HSPG2: variants seen among roughly 807,000 people sequenced by gnomAD.
HSPG2 encodes the protein heparan sulfate proteoglycan 2.
In HSPG2, 278 loss-of-function variants were observed where a neutral mutation model predicts 526.6. The ratio of observed to expected loss-of-function variants is 0.53; its 90% CI spans 0.48 to 0.58. The LOEUF is 0.58. Among genes scored for constraint, HSPG2 ranks in the 20% least tolerant of loss-of-function variants. HSPG2 has a pLI of 0.00. For missense variants in HSPG2, 5,354 were observed against 6,099.5 expected, an observed-to-expected ratio of 0.88 and a Z score of 4.07; for synonymous variants, 2,465 against 2,555.4, an observed-to-expected ratio of 0.96 and a Z score of 1.07.
intron 1 of HSPG2, among the ~76,000 whole-genome samples, chr1:21,918,871 T>C (rs966749198): frequency 2.0e-5 from 3 of 152,180 alleles, no homozygotes; most frequent in African/African-American, 7.2e-5. Flanking sequence ...CAGTCCCAGA[T>C]GTACCAGTGA....
At chr1:21,875,527 C>T in intron 25 of HSPG2, 102 bp downstream of exon 25, 1 of 895,622 alleles carries the variant, frequency 1.1e-6, no homozygotes, top group South Asian at 1.3e-5. Flanking sequence ...AAGTGAGGCA[C>T]AAAAGGGTCA....
Position 21,878,099 on chromosome 1 carries a change from A to G in HSPG2, c.2685+87T>C, listed in dbSNP as rs577195729. On this transcript the variant is annotated intron_variant, in intron 21 of 96. Coordinates refer to ENST00000374695, the MANE Select transcript of HSPG2 (RefSeq NM_005529.7). ...GTTACCACCCACTGGCCAAGGATCT[A>G]TGGAGAGGACGGAGCTTCCTTCTTC... is the stretch of plus-strand genomic sequence containing the variant. 8.1e-6 allele frequency: 10 copies of G among 1,241,256 alleles called. No individual in the cohort carries two copies. In the East Asian group the frequency reaches 9.8e-5, roughly 12 times the overall value. The allele number at this position is 1,241,256 out of a possible 1,614,324, so 76.9% of individuals were successfully genotyped here.
intron 1 of HSPG2, among the ~76,000 whole-genome samples, chr1:21,922,343 A>AACGGTGCGGAATTGATGG (rs1553179934): frequency 6.6e-6 from 1 of 152,170 alleles, no homozygotes; most frequent in Non-Finnish European, 1.5e-5. Context: ...TGCAGAATGA[A>AACGGTGCGGAATTGATGG]ACGGTGCGGA....
At chr1:21,922,671 A>G (rs913802622) in intron 1 of HSPG2, among the ~76,000 whole-genome samples, 11 of 152,166 alleles carry the variant, frequency 7.2e-5, no homozygotes, top group Non-Finnish European at 1.5e-4. Context: ...CCTGAAGCCA[A>G]CGTAAGGTGG....
At position 21,873,046 on chromosome 1, in the gene HSPG2, T is replaced by TG. The variant is rs1640780095; in HGVS notation, c.3838dup (p.Gln1280ProfsTer9). 6.2e-7 allele frequency: 1 copy of TG among 1,605,338 alleles called. No individual in the cohort carries two copies. The highest frequency in any genetic ancestry group is 8.5e-7 in the Non-Finnish European group (1 of 1,179,966). On this transcript the variant is annotated frameshift_variant, in exon 31 of 97. Transcript: ENST00000374695. LOFTEE classifies it high-confidence loss of function. ...ATCACACTGGCTGCTGACGCTGCCT[T>TG]GGGGGTCACAGTTGCAGCCTATGGG...
In HSPG2 at chr1:21,890,219, G is replaced by C. The variant is rs944997562; in HGVS notation, c.414-78C>G. The C allele has an allele frequency of 2.6e-6, 4 of 1,554,106 alleles. No individual in the cohort carries two copies. The highest frequency in any genetic ancestry group is 2.7e-5 in the African/African-American group (2 of 73,808). On this transcript the variant is annotated intron_variant, in intron 5 of 96. Transcript: ENST00000374695. This position sits in a 1 kb window ranked among gnomAD's most constrained non-coding sequence, Gnocchi z 4.1. ...AGCTCCTCCATGAGGCTCCCGCCCC[G>C]ACGCTCAGGCCCTGTTCCGGGACAG...
rs1638262027 is a variant in HSPG2, at chr1:21,844,415, C to T, written c.8465-116G>A. The T allele has an allele frequency of 1.3e-5, 16 of 1,189,786 alleles. No homozygotes were observed. The East Asian group carries it at 3.7e-4, about 27-fold the overall frequency. 73.7% of individuals were successfully genotyped at this position (1,189,786 alleles called of 1,614,324 possible). On this transcript the variant is annotated intron_variant, in intron 64 of 96. Coordinates refer to ENST00000374695, the MANE Select transcript of HSPG2 (RefSeq NM_005529.7). Reference sequence around the variant, plus strand: ...ATTTGGGACATGGCTTCTTTCCCTTCCCGTTCCATTGAGGCCTGGAGCAGC... The same window carrying T: ...ATTTGGGACATGGCTTCTTTCCCTTTCCGTTCCATTGAGGCCTGGAGCAGC...
chr1:21,824,588 C>G lies in HSPG2; in HGVS notation c.12693G>C (p.Glu4231Asp). 6.2e-7 allele frequency: 1 copy of G among 1,614,036 alleles called. No individual in the cohort carries two copies. The highest frequency in any genetic ancestry group is 8.5e-7 in the Non-Finnish European group (1 of 1,180,032). The change falls in exon 93 of 97, where the codon GAG becomes GAC. Residue 4231 changes from glutamate to aspartate, a missense_variant. Coordinates refer to ENST00000374695, the MANE Select transcript of HSPG2 (RefSeq NM_005529.7). This position sits in a 1 kb window ranked among gnomAD's most constrained non-coding sequence, Gnocchi z 5.9. The part of the protein sequence containing the change: ...RSLPEVPETI[E>D]LEVRTSTASG... ...TGGCTGTGCTGGTCCGAACCTCCAG[C>G]TCGATGGTCTCGGGCACCTCGGGCA...
intron 9 of HSPG2, among the ~76,000 whole-genome samples, 160 bp from the exon 10 acceptor site, chr1:21,885,611 G>C (rs568814042): frequency 1.6e-4 from 24 of 152,200 alleles, no homozygotes; most frequent in African/African-American, 5.8e-4. Flanking sequence ...AGCATGATGC[G>C]GCCACCAGCT....
rs754735678 is a variant in HSPG2, at chr1:21,884,741, C to T, written c.1507+26G>A. On this transcript the variant is annotated intron_variant, in intron 12 of 96. Coordinates refer to ENST00000374695, the MANE Select transcript of HSPG2 (RefSeq NM_005529.7). ...GGCAGCCCGGCTCTGCCCCCACACC[C>T]GGTGACACCTGCCCTCCGGCAGTAC... 1.5e-5 allele frequency: 24 copies of T among 1,612,350 alleles called. 1 individual carries two copies. The highest frequency in any genetic ancestry group is 1.0e-4 in the Admixed American group (6 of 59,890).
Position 21,824,200 on chromosome 1 carries a change from G to C in HSPG2, c.12820C>G (p.Gln4274Glu). Reference sequence around the variant, plus strand: ...AGGCGGGCCTCCCCACTACCCAGCTGGTACCTGCAGTCATCCAGGCCCAAG... The same window carrying C: ...AGGCGGGCCTCCCCACTACCCAGCTCGTACCTGCAGTCATCCAGGCCCAAG... ...LQDGHLVFRY[Q>E]LGSGEARLVS... The change falls in exon 95 of 97, where the codon CAG becomes GAG. Residue 4274 changes from glutamine (Q) to glutamate (E), a missense_variant. Transcript: ENST00000374695. This position sits in a 1 kb window ranked among gnomAD's most constrained non-coding sequence, Gnocchi z 5.9. The C allele has an allele frequency of 6.2e-7, 1 of 1,613,808 alleles. No homozygotes were observed. Among genetic ancestry groups the C allele is most frequent in the Non-Finnish European group, 8.5e-7 (1 of 1,179,998 alleles).
intron 1 of HSPG2, among the ~76,000 whole-genome samples, chr1:21,925,323 A>T (rs1370450583): frequency 6.6e-6 from 1 of 152,196 alleles, no homozygotes; most frequent in Admixed American, 6.5e-5. Flanking sequence ...AGGGCTGTTG[A>T]AACAACACAA....
intron 1 of HSPG2, 27 bp downstream of exon 1, chr1:21,937,128 C>G: frequency 9.7e-6 from 3 of 308,608 alleles, no homozygotes; most frequent in Admixed American, 6.0e-5. Context: ...CGCCCCCGCC[C>G]CCCGCCCCTC....
rs1640818021 is a variant in HSPG2 at position 21,873,565 on chromosome 1, A to G, written c.3744-141T>C. 7 of 903,770 alleles carry G rather than the reference A, an allele frequency of 7.7e-6. No individual in the cohort carries two copies. In the South Asian group the frequency reaches 9.6e-5, roughly 12 times the overall value. 56.0% of individuals were successfully genotyped at this position (903,770 alleles called of 1,614,324 possible). A position where few individuals can be genotyped will look rare whatever the true frequency, so the allele number is the denominator to read the frequency against. On this transcript the variant is annotated intron_variant, in intron 29 of 96. Transcript: ENST00000374695. ...CCTGACTCGCCCATGTTACGGGGAA[A>G]CTGGGCAGAGAAGAGCAGGGACGTG...
In HSPG2 at chr1:21,864,054, G is replaced by T; in HGVS notation, c.4740+46C>A. 1 of 1,434,600 alleles carries T rather than the reference G, an allele frequency of 7.0e-7. No individual in the cohort carries two copies. The highest frequency in any genetic ancestry group is 9.6e-7 in the Non-Finnish European group (1 of 1,042,432). 88.9% of individuals were successfully genotyped at this position (1,434,600 alleles called of 1,614,324 possible). ...TTGTCCAGCCCTGGTCCCCCACCCA[G>T]GCCCAGCTGAGCTGACCCCCTGTCC... is the stretch of plus-strand genomic sequence containing the variant. On this transcript the variant is annotated intron_variant, in intron 37 of 96. Transcript: ENST00000374695. This position sits in a 1 kb window ranked among gnomAD's most constrained non-coding sequence, Gnocchi z 4.8.
intron 1 of HSPG2, among the ~76,000 whole-genome samples, chr1:21,933,741 C>G (rs1644408909): frequency 1.3e-5 from 2 of 152,230 alleles, no homozygotes; most frequent in Non-Finnish European, 1.5e-5. Flanking sequence ...GCAGACAGAC[C>G]TGCAGCCTGC....
chr1:21,854,832 C>T lies in HSPG2; in HGVS notation c.6133+16G>A. 6.2e-7 allele frequency: 1 copy of T among 1,613,500 alleles called. No individual in the cohort carries two copies. Among genetic ancestry groups the T allele is most frequent in the Non-Finnish European group, 8.5e-7 (1 of 1,179,768 alleles). On this transcript the variant is annotated intron_variant, in intron 48 of 96. Transcript: ENST00000374695. ...GGCTTGCCCTCCCCACCCCTCCATT[C>T]CCAGAGAGTCCGTACCTGAAAGGAC...
intron 3 of HSPG2, among the ~76,000 whole-genome samples, chr1:21,891,373 C>T (rs1201922605): frequency 3.9e-5 from 6 of 152,228 alleles, no homozygotes; most frequent in African/African-American, 1.2e-4. Context: ...ACATTGTGCT[C>T]ACATGCACCA....
In HSPG2 at chr1:21,904,975, G is replaced by A. The variant is rs1472062354; in HGVS notation, c.64-8665C>T. On this transcript the variant is annotated intron_variant, in intron 1 of 96. Coordinates refer to ENST00000374695, the MANE Select transcript of HSPG2 (RefSeq NM_005529.7). The surrounding 1 kb of genome is among the most constrained non-coding windows in gnomAD (Gnocchi z 4.4). ...GAATGATGCCCCTTGCACAGTGCCA[G>A]GACTATGGAAGGATGGGCGGAATGT... Among the ~76,000 whole-genome samples, 1 of 152,196 alleles carries A rather than the reference G, an allele frequency of 6.6e-6. No homozygotes were observed. Among genetic ancestry groups the A allele is most frequent in the Non-Finnish European group, 1.5e-5 (1 of 68,034 alleles).
Sources: allele counts gnomAD v4.1 joint callset (sites outside exome capture counted in the v4.1 genomes callset), GRCh38; gene constraint gnomAD v4.1.1; non-coding constraint Gnocchi (gnomAD v3.1); transcripts MANE v1.5; gene names NCBI Gene and HGNC (gene_info 2026-07-23, HGNC 2026-07-21).